The following DNAH7 variants were observed in gnomAD, a reference collection of about 807,000 sequenced individuals.
DNAH7 encodes dynein axonemal heavy chain 7.
Under a neutral mutation model 444.6 loss-of-function variants are expected in DNAH7, and 397 were observed. That is an observed-to-expected ratio of 0.89 (90% CI 0.82 to 0.97). The LOEUF (loss-of-function observed/expected upper bound fraction) is 0.97. DNAH7 is among the 50% of genes least tolerant of loss of function. The probability of loss-of-function intolerance (pLI) is 0.00; values close to 1 mark genes in which losing one functional copy is unlikely to be tolerated. For synonymous variants in DNAH7, 1,636 were observed against 1,624.4 expected (o/e 1.01, Z -0.17); for missense variants, 4,902 against 4,800.8 (o/e 1.02, Z -0.62).
intron 19 of DNAH7, among the ~76,000 whole-genome samples, chr2:195,956,962 C>T (rs752915018): frequency 6.6e-6 from 1 of 152,112 alleles, no homozygotes; most frequent in Non-Finnish European, 1.5e-5. Flanking sequence ...ACGGAGACAG[C>T]AAGTACCTCG....
intron 54 of DNAH7, among the ~76,000 whole-genome samples, chr2:195,800,249 T>C (rs1329238359): frequency 1.3e-5 from 2 of 152,188 alleles, no homozygotes; most frequent in Non-Finnish European, 2.9e-5. Context: ...AGGTGAGCTT[T>C]GGTGGGGACA....
chr2:195,867,754 A>G (rs1280821006), intron 40 of DNAH7, among the ~76,000 whole-genome samples: 1 of 152,246 alleles, frequency 6.6e-6, no homozygotes, highest in East Asian at 1.9e-4. Flanking sequence ...GTTGTAGGAT[A>G]TATGAGTATT....
At chr2:195,918,113 C>A (rs535293328) in intron 24 of DNAH7, among the ~76,000 whole-genome samples, 2 of 152,248 alleles carry the variant, frequency 1.3e-5, no homozygotes, top group Admixed American at 1.3e-4. Context: ...AACCCAATTA[C>A]AAAATGGACA....
chr2:195,750,405 C>T (rs1225135717), intron 63 of DNAH7, among the ~76,000 whole-genome samples: 1 of 152,126 alleles, frequency 6.6e-6, no homozygotes, highest in Non-Finnish European at 1.5e-5. Flanking sequence ...TGAAAGACAT[C>T]ATCAGTGCTG....
At chr2:195,809,556 C>T (rs911204695) in intron 52 of DNAH7, among the ~76,000 whole-genome samples, 189 bp downstream of exon 52, 1 of 152,060 alleles carries the variant, frequency 6.6e-6, no homozygotes, top group Non-Finnish European at 1.5e-5. Flanking sequence ...ATAATGAAAT[C>T]TGTGCTTAAT....
At position 195,775,870 on chromosome 2, in the gene DNAH7, TAGC is replaced by T; in HGVS notation, c.11175_11177del (p.Leu3726del). 1.9e-6 allele frequency: 3 copies of T among 1,614,132 alleles called. No homozygotes were observed. Among genetic ancestry groups the T allele is most frequent in the Non-Finnish European group, 2.5e-6 (3 of 1,179,994 alleles). ...CCTGTGTAAGAAGAATGTTATCAAA[TAGC>T]AGCTGAGTTTCTGACTGATCCTTAG... On this transcript the variant is annotated inframe_deletion, in exon 60 of 65. Transcript: ENST00000312428.
intron 19 of DNAH7, among the ~76,000 whole-genome samples, chr2:195,951,048 A>T (rs1024340179): frequency 6.6e-6 from 1 of 151,844 alleles, no homozygotes; most frequent in Admixed American, 6.6e-5. Flanking sequence ...TCGATTTTAG[A>T]TCTTTCCCAC....
chr2:195,920,325 T>A (rs572958849), intron 24 of DNAH7, among the ~76,000 whole-genome samples: 3 of 152,152 alleles, frequency 2.0e-5, no homozygotes, highest in Admixed American at 6.5e-5. Flanking sequence ...TATAAGGCTA[T>A]AGTTACCAAA....
In DNAH7 at chr2:195,888,898, G is replaced by C; in HGVS notation, c.5130C>G (p.Asn1710Lys). Residue 1710 changes from asparagine to lysine, a missense_variant, in exon 32 of 65, where the codon AAC becomes AAG. Coordinates refer to ENST00000312428, the MANE Select transcript of DNAH7 (RefSeq NM_018897.3). Reference protein sequence around the residue: ...IENMNTVLDDNKKLCLMSGEI... With the variant: ...IENMNTVLDDKKKLCLMSGEI... ...CCCCACTCATCAGACATAGCTTCTT[G>C]TTGTCATCCAGCACAGTGTTCATAT... 6.2e-7 allele frequency: 1 copy of C among 1,613,954 alleles called. No homozygotes were observed. Among genetic ancestry groups the C allele is most frequent in the Non-Finnish European group, 8.5e-7 (1 of 1,179,948 alleles).
intron 10 of DNAH7, among the ~76,000 whole-genome samples, chr2:196,002,959 G>C (rs867248245): frequency 6.6e-6 from 1 of 151,318 alleles, no homozygotes; most frequent in African/African-American, 2.4e-5. Context: ...AGTGAGCCGA[G>C]ATGGTTCCAT....
intron 48 of DNAH7, among the ~76,000 whole-genome samples, chr2:195,824,681 T>C (rs745436594): frequency 3.9e-5 from 6 of 152,160 alleles, no homozygotes; most frequent in Non-Finnish European, 8.8e-5. Context: ...TCCCTTCTCC[T>C]GAGTCATAGT....
intron 46 of DNAH7, among the ~76,000 whole-genome samples, chr2:195,851,825 G>C (rs545622971): frequency 2.4e-4 from 37 of 152,330 alleles, no homozygotes; most frequent in Non-Finnish European, 4.9e-4. Flanking sequence ...GGAAAGGTAA[G>C]GGTGGCTGAA....
intron 9 of DNAH7, 92 bp from the exon 10 acceptor site, chr2:196,012,998 C>A: frequency 1.1e-6 from 1 of 907,338 alleles, no homozygotes. Context: ...ATATCATATT[C>A]CTAGGTTTAA....
rs753106619 is a variant in DNAH7, at chr2:195,886,111, T to A, written c.5538+30A>T. On this transcript the variant is annotated intron_variant, in intron 34 of 64. Coordinates refer to ENST00000312428, the MANE Select transcript of DNAH7 (RefSeq NM_018897.3). ...AAAGCAGTAGATACCTGTCTTTCTG[T>A]AGCAGGATACAGAAGGCAACGGACC... 1.9e-6 allele frequency: 3 copies of A among 1,595,510 alleles called. No individual in the cohort carries two copies. The East Asian group carries it at 6.8e-5, about 36-fold the overall frequency.
At chr2:195,977,375 C>T (rs1382981674) in intron 15 of DNAH7, among the ~76,000 whole-genome samples, 1 of 152,066 alleles carries the variant, frequency 6.6e-6, no homozygotes, top group Admixed American at 6.6e-5. Context: ...ATGCATCAGA[C>T]TCTTAATAGC....
chr2:195,984,761 C>T, intron 14 of DNAH7, 51 bp from the exon 15 acceptor site: 1 of 1,485,520 alleles, frequency 6.7e-7, no homozygotes, highest in South Asian at 1.1e-5. Context: ...CAATTTAATT[C>T]CAAAATATAT....
At chr2:195,785,744 G>C (rs1187427410) in intron 58 of DNAH7, among the ~76,000 whole-genome samples, 1 of 151,866 alleles carries the variant, frequency 6.6e-6, no homozygotes, top group African/African-American at 2.4e-5. Context: ...TCGCATACCT[G>C]CATACTTTTA....
chr2:196,042,715 G>A (rs572715253), intron 5 of DNAH7, among the ~76,000 whole-genome samples: 45 of 152,176 alleles, frequency 3.0e-4, no homozygotes, highest in Non-Finnish European at 5.9e-4. Context: ...GGGTAAGGTG[G>A]AGAAACTAGA....
chr2:195,854,495 T>G (rs1174349399), intron 45 of DNAH7, among the ~76,000 whole-genome samples: 1 of 152,212 alleles, frequency 6.6e-6, no homozygotes, highest in African/African-American at 2.4e-5. Flanking sequence ...TGGTATGTAA[T>G]TGCAGTATTT....
Sources: allele counts gnomAD v4.1 joint callset (sites outside exome capture counted in the v4.1 genomes callset), GRCh38; gene constraint gnomAD v4.1.1; transcripts MANE v1.5; gene names NCBI Gene and HGNC (gene_info 2026-07-23, HGNC 2026-07-21).